AOPEP: variants seen among roughly 807,000 people sequenced by gnomAD.
AOPEP encodes the protein aminopeptidase O.
Under a neutral mutation model 98.1 loss-of-function variants are expected in AOPEP, and 77 were observed. The observed-to-expected ratio is 0.78, with a 90% CI of 0.65 to 0.95. AOPEP has a LOEUF of 0.95. Among genes scored for constraint, AOPEP ranks in the 40% least tolerant of loss-of-function variants. The pLI, the probability that AOPEP is intolerant of heterozygous loss-of-function variation, is 0.00. For missense variants in AOPEP, 1,024 were observed against 1,024.7 expected, an observed-to-expected ratio of 1.00 and a Z score of 0.01; for synonymous variants, 346 against 365.3, an observed-to-expected ratio of 0.95 and a Z score of 0.60.
chr9:94,749,601 A>G (rs1182123908), intron 1 of AOPEP, among the ~76,000 whole-genome samples: 1 of 152,124 alleles, frequency 6.6e-6, no homozygotes, highest in East Asian at 1.9e-4. Flanking sequence ...GATAATTTCT[A>G]TGTAACTATT....
At chr9:94,964,191 C>T (rs2059036115) in intron 9 of AOPEP, among the ~76,000 whole-genome samples, 2 of 152,212 alleles carry the variant, frequency 1.3e-5, no homozygotes, top group South Asian at 2.1e-4. Flanking sequence ...ATCCCCTGGG[C>T]CTGCCATCCC....
chr9:94,905,390 G>T (rs368531009), intron 5 of AOPEP, among the ~76,000 whole-genome samples: 1 of 152,248 alleles, frequency 6.6e-6, no homozygotes, highest in Admixed American at 6.5e-5. Flanking sequence ...ACACAGTTAT[G>T]GTTCAGATTG....
At chr9:94,872,870 C>A (rs999337949) in intron 5 of AOPEP, among the ~76,000 whole-genome samples, 9 of 152,170 alleles carry the variant, frequency 5.9e-5, no homozygotes, top group Non-Finnish European at 2.9e-5. Flanking sequence ...GAAGTCGGGG[C>A]AGTCACGGGA....
At chr9:94,970,854 T>G (rs2059494450) in intron 10 of AOPEP, among the ~76,000 whole-genome samples, 1 of 152,088 alleles carries the variant, frequency 6.6e-6, no homozygotes. Flanking sequence ...TCTCACAGAA[T>G]GAAGCAGTTT....
At chr9:94,779,671 T>A (rs1842874054) in intron 3 of AOPEP, among the ~76,000 whole-genome samples, 1 of 151,356 alleles carries the variant, frequency 6.6e-6, no homozygotes, top group Non-Finnish European at 1.5e-5. Context: ...GAATTTTATA[T>A]TGATATAAAT....
chr9:94,970,759 G>A (rs556336532), intron 10 of AOPEP, among the ~76,000 whole-genome samples: 71 of 150,794 alleles, frequency 4.7e-4, no homozygotes, highest in African/African-American at 1.7e-3. Context: ...ATCACATGTG[G>A]CTGTTAAGAT....
chr9:95,131,193 T>C, the AOPEP span, among the ~76,000 whole-genome samples: 1 of 152,218 alleles, frequency 6.6e-6, no homozygotes, highest in African/African-American at 2.4e-5. Flanking sequence ...AAATGTACTT[T>C]TGCGTCTTAA....
rs912188370 is a variant in AOPEP, at chr9:94,745,143, G to T, written c.-135-14506G>T. On this transcript the variant is annotated intron_variant, in intron 1 of 16. Transcript: ENST00000375315. ...AATTATTGCTGACTGTAGTCACCCT[G>T]TTGTGCTATCAAATACTGTATCTCA... Among the ~76,000 whole-genome samples, 3 of 152,080 alleles carry T rather than the reference G, an allele frequency of 2.0e-5. No homozygotes were observed. The South Asian group carries it at 6.2e-4, about 31-fold the overall frequency.
intron 6 of AOPEP, among the ~76,000 whole-genome samples, chr9:94,928,068 C>G (rs989856271): frequency 2.6e-5 from 4 of 152,134 alleles, no homozygotes; most frequent in Middle Eastern, 3.2e-3. Flanking sequence ...CCTTCCCCAT[C>G]CTGTGCAGAA....
At chr9:94,921,077 A>G (rs2053547624) in intron 5 of AOPEP, 1 of 151,970 alleles carries the variant, frequency 6.6e-6, no homozygotes, top group Admixed American at 6.6e-5. Flanking sequence ...TTTAAAAAAA[A>G]AAAAAAAAGA....
chr9:95,094,617 T>A, the AOPEP span, among the ~76,000 whole-genome samples: 1 of 152,232 alleles, frequency 6.6e-6, no homozygotes, highest in Non-Finnish European at 1.5e-5. Flanking sequence ...TCATTTAACA[T>A]AAAGTCTTCC....
At chr9:94,887,092 G>A (rs143714700) in intron 5 of AOPEP, among the ~76,000 whole-genome samples, 1,786 of 152,124 alleles carry the variant, frequency 0.012, 34 homozygotes, top group African/African-American at 0.041. Context: ...TGTAATCCCA[G>A]CACTTTGGGA....
At chr9:95,046,944 G>A (rs1344372553) in intron 13 of AOPEP, among the ~76,000 whole-genome samples, 3 of 152,016 alleles carry the variant, frequency 2.0e-5, no homozygotes, top group Non-Finnish European at 4.4e-5. Context: ...TAATTTTCTT[G>A]TTTAAAAAAG....
In AOPEP at chr9:94,885,348, C is replaced by CAAAAA; in HGVS notation, c.1365-38600_1365-38596dup. Among the ~76,000 whole-genome samples the CAAAAA allele has an allele frequency of 2.5e-3, 91 of 35,988 alleles. 19 individuals carry two copies. Among genetic ancestry groups the CAAAAA allele is most frequent in the East Asian group, 6.5e-3 (5 of 772 alleles). 23.6% of individuals were successfully genotyped at this position (35,988 alleles called of 152,430 possible). A position where few individuals can be genotyped will look rare whatever the true frequency, so the allele number is the denominator to read the frequency against. ...TGGGTGACAGAGTGAGATCCTGTCT[C>CAAAAA]AAAAAAAAAAAAAAAAAAAAAAAAA... On this transcript the variant is annotated intron_variant, in intron 5 of 16. Coordinates refer to ENST00000375315, the MANE Select transcript of AOPEP (RefSeq NM_001193329.3).
At chr9:94,832,861 C>A (rs1530332) in intron 5 of AOPEP, among the ~76,000 whole-genome samples, 2 of 149,928 alleles carry the variant, frequency 1.3e-5, no homozygotes, top group East Asian at 2.0e-4. Context: ...TAGAAGAAAG[C>A]GGGGGAAAAG....
At chr9:94,852,756 A>G (rs1462299497) in intron 5 of AOPEP, among the ~76,000 whole-genome samples, 2 of 152,204 alleles carry the variant, frequency 1.3e-5, no homozygotes, top group Non-Finnish European at 2.9e-5. Context: ...GTGAATCATT[A>G]TTGTTGTAGG....
chr9:94,750,207 A>ATC (rs1835363604), intron 1 of AOPEP, among the ~76,000 whole-genome samples: 1 of 152,204 alleles, frequency 6.6e-6, no homozygotes. Context: ...CTTTGTAGAC[A>ATC]TCACCTTTCC....
chr9:94,899,531 C>T (rs1383550478), intron 5 of AOPEP, among the ~76,000 whole-genome samples: 2 of 151,832 alleles, frequency 1.3e-5, no homozygotes, highest in African/African-American at 4.8e-5. Flanking sequence ...GGGAGAATTA[C>T]TTGAGCCCAG....
chr9:94,874,135 T>C (rs2046652185), intron 5 of AOPEP, among the ~76,000 whole-genome samples: 2 of 152,324 alleles, frequency 1.3e-5, no homozygotes, highest in South Asian at 4.1e-4. Flanking sequence ...TTGTATTTAA[T>C]GAGTCATTAG....
Sources: allele counts gnomAD v4.1 joint callset (sites outside exome capture counted in the v4.1 genomes callset), GRCh38; gene constraint gnomAD v4.1.1; transcripts MANE v1.5; gene names NCBI Gene and HGNC (gene_info 2026-07-23, HGNC 2026-07-21).